MACO1: variants seen among roughly 807,000 people sequenced by gnomAD.
MACO1 encodes the protein macoilin.
Under a neutral mutation model 78.7 loss-of-function variants are expected in MACO1, and 14 were observed. The observed-to-expected ratio is 0.18, with a 90% CI of 0.12 to 0.28. The LOEUF (loss-of-function observed/expected upper bound fraction) is 0.28, where lower values mean the gene tolerates loss of function less well. Among genes scored for constraint, MACO1 ranks in the 10% least tolerant of loss-of-function variants. MACO1 has a pLI of 1.00. For missense variants in MACO1, 501 were observed against 799.0 expected (o/e 0.63, Z 4.50); for synonymous variants, 288 against 291.6 (o/e 0.99, Z 0.12).
At chr1:25,459,641 A>AT (rs2043154063) in intron 6 of MACO1, among the ~76,000 whole-genome samples, 1 of 151,704 alleles carries the variant, frequency 6.6e-6, no homozygotes, top group South Asian at 2.1e-4. Context: ...CGCCAGGCTA[A>AT]TTTTTTTGTA....
intron 1 of MACO1, among the ~76,000 whole-genome samples, chr1:25,439,966 C>T (rs1336884222): frequency 2.7e-5 from 4 of 148,822 alleles, no homozygotes; most frequent in Non-Finnish European, 4.4e-5. Flanking sequence ...TGCGGTGAGC[C>T]GAGATCGTAC....
intron 9 of MACO1, among the ~76,000 whole-genome samples, chr1:25,489,608 TAC>T (rs1241575980): frequency 2.0e-5 from 3 of 152,324 alleles, no homozygotes; most frequent in Non-Finnish European, 4.4e-5. Context: ...CTTTGAAACT[TAC>T]ACACCTCCTT....
At chr1:25,450,259 C>G (rs1292756441) in intron 3 of MACO1, among the ~76,000 whole-genome samples, 3 of 152,156 alleles carry the variant, frequency 2.0e-5, no homozygotes, top group Admixed American at 6.5e-5. Flanking sequence ...AGCACTTTCA[C>G]CCTCCTCGTC....
chr1:25,456,927 T>G (rs960649460), intron 5 of MACO1, 96 bp downstream of exon 5: 3 of 1,323,686 alleles, frequency 2.3e-6, no homozygotes, highest in Non-Finnish European at 3.0e-6. Context: ...TAGGATTTTG[T>G]TTTTTTCTGT....
intron 1 of MACO1, among the ~76,000 whole-genome samples, chr1:25,437,772 T>C (rs1375583318): frequency 6.6e-6 from 1 of 152,010 alleles, no homozygotes; most frequent in Non-Finnish European, 1.5e-5. Context: ...TTCAAAAAAA[T>C]TAGCTGGGTG....
chr1:25,438,266 G>A (rs1451106045), intron 1 of MACO1, among the ~76,000 whole-genome samples: 1 of 152,138 alleles, frequency 6.6e-6, no homozygotes, highest in Non-Finnish European at 1.5e-5. Flanking sequence ...AAAAAAACCT[G>A]TTAACATTAT....
chr1:25,483,316 G>T (rs923472803), intron 6 of MACO1, among the ~76,000 whole-genome samples: 2 of 152,220 alleles, frequency 1.3e-5, no homozygotes, highest in Non-Finnish European at 2.9e-5. Context: ...CTCCCAAAGT[G>T]CTGGGATTAC....
chr1:25,498,226 C>A (rs765905689), intron 10 of MACO1, 38 bp from the exon 11 acceptor site: 1 of 1,608,894 alleles, frequency 6.2e-7, no homozygotes, highest in Non-Finnish European at 8.5e-7. Context: ...TTGGGTGAGG[C>A]CTCCCTTTTC....
chr1:25,495,062 C>A (rs2043522800), intron 10 of MACO1, among the ~76,000 whole-genome samples: 1 of 152,184 alleles, frequency 6.6e-6, no homozygotes, highest in Non-Finnish European at 1.5e-5. Context: ...TCCCAGGAAT[C>A]CTGCTTTGAA....
At chr1:25,494,717 G>A (rs1372736816) in intron 10 of MACO1, among the ~76,000 whole-genome samples, 1 of 152,162 alleles carries the variant, frequency 6.6e-6, no homozygotes, top group Non-Finnish European at 1.5e-5. Context: ...GGAGGTTCCT[G>A]AGAGTTCTGG....
intron 6 of MACO1, among the ~76,000 whole-genome samples, chr1:25,471,341 CAAAA>C (rs34002682): frequency 8.0e-6 from 1 of 125,172 alleles, no homozygotes; most frequent in Admixed American, 7.6e-5. Context: ...TCTGTCTCAA[CAAAA>C]AAAAAAAAAA....
At chr1:25,450,052 A>C (rs2043051574) in intron 3 of MACO1, among the ~76,000 whole-genome samples, 1 of 152,166 alleles carries the variant, frequency 6.6e-6, no homozygotes, top group South Asian at 2.1e-4. Flanking sequence ...CAAAATAAAA[A>C]AAATATTAAG....
chr1:25,493,194 A>G (rs2043502401), intron 10 of MACO1, among the ~76,000 whole-genome samples: 1 of 152,206 alleles, frequency 6.6e-6, no homozygotes, highest in Non-Finnish European at 1.5e-5. Flanking sequence ...TTTCAAGTGG[A>G]TTATATCTAT....
rs2043569775 is a variant in MACO1 at position 25,499,568 on chromosome 1, T to C, written c.*1102T>C. 1.3e-5 allele frequency: 2 copies of C among 151,870 alleles called. No individual in the cohort carries two copies. The highest frequency in any genetic ancestry group is 1.3e-4 in the Admixed American group (2 of 15,244). The allele number at this position is 151,870 out of a possible 1,614,324, so 9.4% of individuals were successfully genotyped here. A position where few individuals can be genotyped will look rare whatever the true frequency, so the allele number is the denominator to read the frequency against. On this transcript the variant is annotated 3_prime_UTR_variant, in exon 11 of 11. Transcript: ENST00000374343. ...GCTCTTGTGCCAAGGAGGGTTTTTT[T>C]TTTTTAAGACTCTTAAACTCAAAAC...
rs942916821 is a variant in MACO1 at position 25,449,948 on chromosome 1, G to A, written c.349+1014G>A. ...GCAAGAGAATCGCTTGAACCCGGGA[G>A]ACAGAGGTGGCAGTGAGCTGAGACT... On this transcript the variant is annotated intron_variant, in intron 3 of 10. Transcript: ENST00000374343. Among the ~76,000 whole-genome samples, 3 of 152,356 alleles carry A rather than the reference G, an allele frequency of 2.0e-5. No individual in the cohort carries two copies. In the South Asian group the frequency reaches 6.2e-4, roughly 32 times the overall value.
chr1:25,498,615 T>A lies in MACO1; in HGVS notation c.*149T>A, dbSNP rs1459998895. 2.7e-6 allele frequency: 2 copies of A among 729,958 alleles called. No individual in the cohort carries two copies. The highest frequency in any genetic ancestry group is 4.3e-6 in the Non-Finnish European group (2 of 460,090). The allele number at this position is 729,958 out of a possible 1,614,324, so 45.2% of individuals were successfully genotyped here. On this transcript the variant is annotated 3_prime_UTR_variant, in exon 11 of 11. Coordinates refer to ENST00000374343, the MANE Select transcript of MACO1 (RefSeq NM_018202.6). ...TTTAAAAAGGGGGGAAAAGATAACA[T>A]CCAAGTCTGATTAGAACTGCCCATC... is the stretch of plus-strand genomic sequence containing the variant.
chr1:25,491,611 G>C (rs1276649152), intron 10 of MACO1, 27 bp downstream of exon 10: 1 of 1,605,250 alleles, frequency 6.2e-7, no homozygotes, highest in African/African-American at 1.3e-5. Context: ...CCCTGGTGAG[G>C]TGGTGTGACT....
Position 25,455,578 on chromosome 1 carries a change from A to G in MACO1, c.474-1075A>G, listed in dbSNP as rs1231237928. ...TTAGTGAAACTTATATGGGCTTGACAGTGTTTGCAGAGGCTTTGAAATGAT... is the reference window on the plus strand; with the variant it reads ...TTAGTGAAACTTATATGGGCTTGACGGTGTTTGCAGAGGCTTTGAAATGAT... On this transcript the variant is annotated intron_variant, in intron 4 of 10. Coordinates refer to ENST00000374343, the MANE Select transcript of MACO1 (RefSeq NM_018202.6). Among the ~76,000 whole-genome samples, 10 of 152,206 alleles carry G rather than the reference A, an allele frequency of 6.6e-5. No homozygotes were observed. In the East Asian group the frequency reaches 1.2e-3, roughly 18 times the overall value.
chr1:25,479,205 C>G (rs1557672530), intron 6 of MACO1, among the ~76,000 whole-genome samples: 1 of 152,188 alleles, frequency 6.6e-6, no homozygotes, highest in East Asian at 1.9e-4. Context: ...CATATTAATA[C>G]ATTTGGCGAT....
Sources: allele counts gnomAD v4.1 joint callset (sites outside exome capture counted in the v4.1 genomes callset), GRCh38; gene constraint gnomAD v4.1.1; transcripts MANE v1.5; gene names NCBI Gene and HGNC (gene_info 2026-07-23, HGNC 2026-07-21).